The following SHISA9 variants were observed in gnomAD, a reference collection of about 807,000 sequenced individuals.
SHISA9 encodes protein shisa-9.
A neutral mutation model predicts 38.0 loss-of-function variants in SHISA9; 13 were observed. The observed-to-expected ratio is 0.34, with a 90% CI of 0.22 to 0.54. The LOEUF (loss-of-function observed/expected upper bound fraction) is 0.54, where lower values mean the gene tolerates loss of function less well. Among genes scored for constraint, SHISA9 ranks in the 20% least tolerant of loss-of-function variants. The pLI, the probability that SHISA9 is intolerant of heterozygous loss-of-function variation, is 0.91. For synonymous variants in SHISA9, 275 were observed against 242.0 expected (o/e 1.14, Z -1.27); for missense variants, 538 against 575.8 (o/e 0.93, Z 0.67).
the SHISA9 span, among the ~76,000 whole-genome samples, chr16:13,288,389 ATTG>A: frequency 1.2e-4 from 18 of 152,012 alleles, no homozygotes; most frequent in African/African-American, 3.1e-4. Flanking sequence ...CGGCCTTCTC[ATTG>A]TGTTTTCACA....
chr16:13,197,213 A>T (rs2050955373), intron 2 of SHISA9, among the ~76,000 whole-genome samples: 2 of 152,052 alleles, frequency 1.3e-5, no homozygotes, highest in African/African-American at 4.8e-5. Context: ...TACTGTCTGG[A>T]ACACGGTGTG....
chr16:12,994,515 AAGCCCC>A, intron 2 of SHISA9, among the ~76,000 whole-genome samples: 1 of 152,186 alleles, frequency 6.6e-6, no homozygotes, highest in South Asian at 2.1e-4. Context: ...TGAGAATGAC[AAGCCCC>A]AGATTTATGG....
chr16:13,341,129 C>T, the SHISA9 span, among the ~76,000 whole-genome samples: 2 of 152,202 alleles, frequency 1.3e-5, no homozygotes, highest in African/African-American at 4.8e-5. Flanking sequence ...TCTGTATCCC[C>T]AGCACCTGGC....
the SHISA9 span, among the ~76,000 whole-genome samples, chr16:13,478,618 T>C: frequency 6.6e-6 from 1 of 152,210 alleles, no homozygotes; most frequent in Non-Finnish European, 1.5e-5. Flanking sequence ...TTGTAAAAAA[T>C]TTATTTATGA....
intron 2 of SHISA9, among the ~76,000 whole-genome samples, chr16:12,980,360 G>T (rs1009955339): frequency 5.3e-5 from 8 of 152,062 alleles, no homozygotes; most frequent in Non-Finnish European, 1.0e-4. Context: ...CAGCTTAATT[G>T]GATATAATAT....
the SHISA9 span, among the ~76,000 whole-genome samples, chr16:13,409,906 G>A: frequency 1.3e-5 from 2 of 152,214 alleles, no homozygotes; most frequent in African/African-American, 4.8e-5. Flanking sequence ...CTTAAACTTT[G>A]CAGTAAATAC....
chr16:13,108,979 G>A (rs1028833002), intron 2 of SHISA9, among the ~76,000 whole-genome samples: 1 of 152,160 alleles, frequency 6.6e-6, no homozygotes, highest in Non-Finnish European at 1.5e-5. Flanking sequence ...GGGTGTGACA[G>A]GTATATGATG....
intron 2 of SHISA9, among the ~76,000 whole-genome samples, chr16:13,065,638 G>A (rs2073425484): frequency 6.6e-6 from 1 of 152,236 alleles, no homozygotes; most frequent in Non-Finnish European, 1.5e-5. Flanking sequence ...TGTTGCTAAG[G>A]AAGGGTTCGA....
intron 2 of SHISA9, among the ~76,000 whole-genome samples, chr16:13,124,996 A>T (rs557995255): frequency 1.1e-3 from 164 of 152,348 alleles, no homozygotes; most frequent in African/African-American, 3.8e-3. Flanking sequence ...TAGATCTAAG[A>T]ACTCAGACTA....
chr16:13,500,917 G>A, the SHISA9 span, among the ~76,000 whole-genome samples: 1 of 152,130 alleles, frequency 6.6e-6, no homozygotes, highest in Non-Finnish European at 1.5e-5. Flanking sequence ...AGTTGCAGGA[G>A]GATGGATCAC....
intron 2 of SHISA9, among the ~76,000 whole-genome samples, chr16:12,990,848 C>G (rs1417637506): frequency 6.6e-6 from 1 of 152,170 alleles, no homozygotes; most frequent in Non-Finnish European, 1.5e-5. Flanking sequence ...GCGCATTAAA[C>G]CAAACATATT....
the SHISA9 span, among the ~76,000 whole-genome samples, chr16:13,309,263 G>A: frequency 6.6e-6 from 1 of 152,092 alleles, no homozygotes; most frequent in Admixed American, 6.6e-5. Flanking sequence ...CTTAGGTGAT[G>A]AGTTGATCTG....
the SHISA9 span, among the ~76,000 whole-genome samples, chr16:13,421,456 A>G: frequency 1.3e-5 from 2 of 152,176 alleles, no homozygotes; most frequent in Non-Finnish European, 2.9e-5. Context: ...TGATAAAACC[A>G]TCAGATCTCG....
At chr16:13,221,465 T>C (rs2051225239) in intron 4 of SHISA9, among the ~76,000 whole-genome samples, 1 of 143,904 alleles carries the variant, frequency 6.9e-6, no homozygotes, top group South Asian at 2.3e-4. Context: ...TTTAACAACA[T>C]GAACTCTTTC....
intron 2 of SHISA9, among the ~76,000 whole-genome samples, chr16:13,019,931 CTTTCTTTCTTTCTTTCTTTCTTTCTT>C (rs2072823495): frequency 1.1e-5 from 1 of 94,980 alleles, no homozygotes; most frequent in Non-Finnish European, 2.2e-5. Context: ...TTCTTTCTTT[CTTTCTTTCTTTCTTTCTTTCTTTCTT>C]TCCCTCCTTC....
At chr16:13,347,314 G>A in the SHISA9 span, among the ~76,000 whole-genome samples, 1 of 152,170 alleles carries the variant, frequency 6.6e-6, no homozygotes, top group Non-Finnish European at 1.5e-5. Flanking sequence ...TGGGGTCATA[G>A]CCTCAGCATA....
At chr16:13,343,779 G>C in the SHISA9 span, among the ~76,000 whole-genome samples, 1 of 152,038 alleles carries the variant, frequency 6.6e-6, no homozygotes, top group African/African-American at 2.4e-5. Flanking sequence ...ATTATATTAG[G>C]CATCATGATC....
At chr16:12,924,511 C>T (rs1432971357) in intron 2 of SHISA9, among the ~76,000 whole-genome samples, 1 of 152,070 alleles carries the variant, frequency 6.6e-6, no homozygotes, top group Non-Finnish European at 1.5e-5. Context: ...ATTCCTGAAA[C>T]TTAGTTCTTT....
intron 2 of SHISA9, among the ~76,000 whole-genome samples, chr16:13,099,033 G>T (rs553100258): frequency 6.6e-6 from 1 of 152,396 alleles, no homozygotes; most frequent in East Asian, 1.9e-4. Context: ...CTAAATGCCT[G>T]TGGGGCACTG....
Sources: allele counts gnomAD v4.1 joint callset (sites outside exome capture counted in the v4.1 genomes callset), GRCh38; gene constraint gnomAD v4.1.1; transcripts MANE v1.5; gene names NCBI Gene and HGNC (gene_info 2026-07-23, HGNC 2026-07-21).